JCAD: variants seen among roughly 807,000 people sequenced by gnomAD.
The protein encoded by JCAD is junctional cadherin 5 associated, also known as junctional cadherin 5-associated protein.
Under a neutral mutation model 98.0 loss-of-function variants are expected in JCAD, and 40 were observed. That is an observed-to-expected ratio of 0.41 (90% CI 0.32 to 0.53). JCAD has a LOEUF of 0.53. JCAD is among the 20% of genes least tolerant of loss of function. The pLI is 0.31. For missense variants in JCAD, 1,705 were observed against 1,738.1 expected, an observed-to-expected ratio of 0.98 and a Z score of 0.34; for synonymous variants, 691 against 682.3, an observed-to-expected ratio of 1.01 and a Z score of -0.20.
chr10:30,091,597 C>T (rs1299902131), intron 1 of JCAD, among the ~76,000 whole-genome samples: 1 of 150,516 alleles, frequency 6.6e-6, no homozygotes, highest in Admixed American at 6.7e-5. Flanking sequence ...TATCTATGGA[C>T]ATAATAATTT....
intron 1 of JCAD, among the ~76,000 whole-genome samples, chr10:30,078,545 C>T (rs147671852): frequency 6.6e-6 from 1 of 152,112 alleles, no homozygotes; most frequent in Non-Finnish European, 1.5e-5. Flanking sequence ...CAAAAGCGGC[C>T]ATTGTGGGGC....
intron 1 of JCAD, among the ~76,000 whole-genome samples, chr10:30,051,013 A>G (rs991216804): frequency 7.2e-5 from 11 of 152,210 alleles, no homozygotes; most frequent in Non-Finnish European, 1.3e-4. Context: ...TGTTAGATCC[A>G]TGGTTTGAAC....
intron 2 of JCAD, among the ~76,000 whole-genome samples, chr10:30,068,252 A>C (rs1005545427): frequency 1.6e-4 from 25 of 152,058 alleles, no homozygotes; most frequent in African/African-American, 5.8e-4. Flanking sequence ...TTAGCCGGGC[A>C]TGGTGGCAGG....
chr10:30,073,030 G>A (rs557068557), intron 1 of JCAD, among the ~76,000 whole-genome samples: 66 of 152,318 alleles, frequency 4.3e-4, no homozygotes, highest in Middle Eastern at 3.4e-3. Context: ...GCTCTCTTAG[G>A]AACACCTGGT....
At chr10:30,092,051 A>AT (rs1838279706) in intron 1 of JCAD, among the ~76,000 whole-genome samples, 4 of 35,654 alleles carry the variant, frequency 1.1e-4, no homozygotes, top group African/African-American at 5.2e-4. Flanking sequence ...AAAAAAAAAA[A>AT]AAAAAAAAAA....
In JCAD at chr10:30,028,472, T is replaced by C. The variant is rs747110574; in HGVS notation, c.1676A>G (p.Lys559Arg). Residue 559 changes from lysine to arginine, a missense_variant, in exon 3 of 4, where the codon AAA becomes AGA. By Grantham distance (26) the Lys-to-Arg change is conservative (BLOSUM62 2). Coordinates refer to ENST00000375377, the MANE Select transcript of JCAD (RefSeq NM_020848.4). ...ESTCETQTKL[K>R]KFQTGTRTKK... ...GGTCCGAGTCCCAGTTTGGAACTTT[T>C]TGAGCTTGGTTTGAGTTTCGCAGGT... 2 of 1,614,248 alleles carry C rather than the reference T, an allele frequency of 1.2e-6. No homozygotes were observed. Among genetic ancestry groups the C allele is most frequent in the Non-Finnish European group, 1.7e-6 (2 of 1,180,038 alleles).
At position 30,012,830 on chromosome 10, in the gene JCAD, T is replaced by G. The variant is rs546675774; in HGVS notation, c.*5053A>C. The G allele has an allele frequency of 8.5e-5, 13 of 152,308 alleles. No individual in the cohort carries two copies. Among genetic ancestry groups the G allele is most frequent in the Non-Finnish European group, 1.8e-4 (12 of 68,102 alleles). The allele number at this position is 152,308 out of a possible 1,614,324, so 9.4% of individuals were successfully genotyped here. A position where few individuals can be genotyped will look rare whatever the true frequency, so the allele number is the denominator to read the frequency against. The stretch of plus-strand genomic sequence containing the variant: ...TCATGCAAAATCTTTATTTGGAACA[T>G]GTATGTTACTGAGCAGGCCAGCCGC... On this transcript the variant is annotated 3_prime_UTR_variant, in exon 4 of 4. Transcript: ENST00000375377.
At chr10:30,020,950 T>C (rs1298469611) in intron 3 of JCAD, among the ~76,000 whole-genome samples, 1 of 152,232 alleles carries the variant, frequency 6.6e-6, no homozygotes, top group African/African-American at 2.4e-5. Context: ...GAACAGGCCA[T>C]GCCATGTCTG....
chr10:30,040,696 A>G (rs1420379819), intron 2 of JCAD, among the ~76,000 whole-genome samples: 1 of 152,114 alleles, frequency 6.6e-6, no homozygotes, highest in Non-Finnish European at 1.5e-5. Context: ...TGGTGATGAC[A>G]CCCTAGGGAG....
rs774649844 is a variant in JCAD, at chr10:30,026,723, G to C, written c.3425C>G (p.Thr1142Ser). Residue 1142 changes from threonine (T) to serine (S), a missense_variant, in exon 3 of 4, where the codon ACT becomes AGT. Thr to Ser is a moderately conservative substitution (Grantham distance 58). Coordinates refer to ENST00000375377, the MANE Select transcript of JCAD (RefSeq NM_020848.4). ...CTTCCTCCTGCCATAAAAGGCATCA[G>C]TGGACACCCTGGGGACATCTGCCGG... ...PAPADVPRVS[T>S]DAFYGRRKCG... 6.2e-7 allele frequency: 1 copy of C among 1,614,146 alleles called. No homozygotes were observed. Among genetic ancestry groups the C allele is most frequent in the South Asian group, 1.1e-5 (1 of 91,076 alleles).
intron 1 of JCAD, among the ~76,000 whole-genome samples, chr10:30,100,905 G>A (rs527744432): frequency 8.3e-4 from 126 of 152,318 alleles, no homozygotes; most frequent in Non-Finnish European, 1.2e-3. Flanking sequence ...GGTTCAGCCA[G>A]AGAAGTGGGA....
chr10:30,031,307 T>G (rs1836984923), intron 2 of JCAD, among the ~76,000 whole-genome samples: 1 of 151,854 alleles, frequency 6.6e-6, no homozygotes, highest in East Asian at 1.9e-4. Context: ...TTTTAAGATG[T>G]TTTTGTAGAG....
At position 30,026,213 on chromosome 10, in the gene JCAD, T is replaced by C. The variant is rs751506250; in HGVS notation, c.3935A>G (p.Gln1312Arg). The change falls in exon 3 of 4, where the codon CAG (glutamine) becomes CGG (arginine). Residue 1312 changes from glutamine to arginine, a missense_variant. Transcript: ENST00000375377. ...LVSPGSGDRA[Q>R]RLGHSLSVSK... ...CACAGAGAGTGAGTGGCCCAATCTC[T>C]GGGCACGGTCCCCACTGCCAGGAGA... 3 of 1,614,130 alleles carry C rather than the reference T, an allele frequency of 1.9e-6. No homozygotes were observed. Among genetic ancestry groups the C allele is most frequent in the Non-Finnish European group, 2.5e-6 (3 of 1,180,048 alleles).
Position 30,013,736 on chromosome 10 carries a change from CCAGA to C in JCAD, c.*4143_*4146del, listed in dbSNP as rs1471142937. On this transcript the variant is annotated 3_prime_UTR_variant, in exon 4 of 4. Coordinates refer to ENST00000375377, the MANE Select transcript of JCAD (RefSeq NM_020848.4). ...CCTATCAAAGCATGGGGATGAACGG[CCAGA>C]CAATCTGGGCTTGCCTTTGGGTTTA... 2.0e-5 allele frequency: 3 copies of C among 152,256 alleles called. No individual in the cohort carries two copies. Among genetic ancestry groups the C allele is most frequent in the Non-Finnish European group, 4.4e-5 (3 of 68,084 alleles). The allele number at this position is 152,256 out of a possible 1,614,324, so 9.4% of individuals were successfully genotyped here. A position where few individuals can be genotyped will look rare whatever the true frequency, so the allele number is the denominator to read the frequency against.
chr10:30,018,508 C>G (rs1439931871), intron 3 of JCAD, among the ~76,000 whole-genome samples: 3 of 152,154 alleles, frequency 2.0e-5, no homozygotes, highest in Non-Finnish European at 4.4e-5. Context: ...CTAGAGCCTT[C>G]TAACACAGGT....
chr10:30,105,987 TCACGTCTAGGAAGGAACA>T (rs1223391836), intron 1 of JCAD, among the ~76,000 whole-genome samples: 2 of 152,206 alleles, frequency 1.3e-5, no homozygotes, highest in Non-Finnish European at 2.9e-5. Context: ...TTCCTAGTGA[TCACGTCTAGGAAGGAACA>T]CAGCACTCCC....
At chr10:30,104,836 A>G (rs1838542523) in intron 1 of JCAD, among the ~76,000 whole-genome samples, 1 of 152,140 alleles carries the variant, frequency 6.6e-6, no homozygotes, top group Admixed American at 6.5e-5. Flanking sequence ...TTTACAATTA[A>G]ACTTAGAGAA....
rs183822750 is a variant in JCAD at position 30,029,278 on chromosome 10, C to A, written c.870G>T (p.Gly290=). 4.4e-4 allele frequency: 711 copies of A among 1,614,090 alleles called. 4 individuals carry two copies. In the African/African-American group the frequency reaches 8.4e-3, roughly 19 times the overall value. ...TGTAAGATGGGGGCTTGAGGGGCCT[C>A]CCAAACTTAGGCCGGGGAAATGGGG... The part of the protein sequence containing the change: ...CSAPFPRPKF[G]RPLKPPSYSS... Residue 290 remains glycine (G), a synonymous_variant, in exon 3 of 4, where the codon GGG becomes GGT. Coordinates refer to ENST00000375377, the MANE Select transcript of JCAD (RefSeq NM_020848.4).
At chr10:30,100,583 C>G (rs1480607884) in intron 1 of JCAD, among the ~76,000 whole-genome samples, 3 of 152,150 alleles carry the variant, frequency 2.0e-5, no homozygotes, top group African/African-American at 4.8e-5. Context: ...GGGGTTTCAC[C>G]AAGTTGGCCA....
Sources: gnomAD v4.1 joint callset for allele counts (sites outside exome capture counted in the v4.1 genomes callset) on GRCh38, gnomAD v4.1.1 for gene constraint, MANE v1.5 for transcripts, NCBI Gene and HGNC (gene_info 2026-07-23, HGNC 2026-07-21) for gene names.